Variants in ROBO1 observed in about 807,000 individuals in gnomAD.
ROBO1 encodes roundabout guidance receptor 1, also known as roundabout homolog 1.
Under a neutral mutation model 195.9 loss-of-function variants are expected in ROBO1, and 149 were observed. The ratio of observed to expected loss-of-function variants is 0.76; its 90% confidence interval spans 0.67 to 0.87. The LOEUF is 0.87. ROBO1 is among the 40% of genes least tolerant of loss of function. The pLI is 0.00. For synonymous variants in ROBO1, 816 were observed against 733.2 expected (o/e 1.11, Z -1.82); for missense variants, 1,933 against 2,068.3 (o/e 0.93, Z 1.27).
intron 3 of ROBO1, among the ~76,000 whole-genome samples, chr3:79,088,945 A>T (rs2108483621): frequency 6.6e-6 from 1 of 152,234 alleles, no homozygotes; most frequent in Non-Finnish European, 1.5e-5. Flanking sequence ...AACTAGAGTA[A>T]AATAATTAAA....
chr3:79,448,772 C>CA (rs2039350454), intron 2 of ROBO1, among the ~76,000 whole-genome samples: 1 of 152,076 alleles, frequency 6.6e-6, no homozygotes, highest in Non-Finnish European at 1.5e-5. Flanking sequence ...GAACAGATTC[C>CA]ATAAGTATCA....
At chr3:79,152,150 A>G (rs143142547) in intron 2 of ROBO1, among the ~76,000 whole-genome samples, 2,533 of 152,008 alleles carry the variant, frequency 0.017, 28 homozygotes, top group Non-Finnish European at 0.026. Context: ...CAGATGTTCA[A>G]TAAATGTGTT....
chr3:79,396,842 AGGTTGATTTT>A (rs2037173667), intron 2 of ROBO1, among the ~76,000 whole-genome samples: 1 of 152,158 alleles, frequency 6.6e-6, no homozygotes, highest in South Asian at 2.1e-4. Flanking sequence ...GATGATTGAC[AGGTTGATTTT>A]GGCTTTCTAA....
chr3:79,023,273 C>A (rs1458454030), intron 3 of ROBO1, among the ~76,000 whole-genome samples: 1 of 152,108 alleles, frequency 6.6e-6, no homozygotes, highest in African/African-American at 2.4e-5. Flanking sequence ...CTGCGTGATC[C>A]TTGGTATTTA....
At chr3:78,693,602 G>A (rs1231801699) in intron 8 of ROBO1, among the ~76,000 whole-genome samples, 2 of 152,092 alleles carry the variant, frequency 1.3e-5, no homozygotes, top group Non-Finnish European at 1.5e-5. Context: ...AAATGGCAGA[G>A]CTACAATGAA....
chr3:79,250,909 G>A (rs2082716765), intron 2 of ROBO1, among the ~76,000 whole-genome samples: 1 of 152,066 alleles, frequency 6.6e-6, no homozygotes, highest in Non-Finnish European at 1.5e-5. Context: ...ACAAAAATTA[G>A]TCAGCTGTGG....
intron 1 of ROBO1, among the ~76,000 whole-genome samples, chr3:79,722,076 TATTGTTTTTC>T (rs1352129297): frequency 6.6e-6 from 1 of 152,226 alleles, no homozygotes; most frequent in Non-Finnish European, 1.5e-5. Flanking sequence ...AAGATGTTTT[TATTGTTTTTC>T]ATTGGGAAAA....
At chr3:78,794,239 T>G (rs186651448) in intron 4 of ROBO1, among the ~76,000 whole-genome samples, 84 of 152,244 alleles carry the variant, frequency 5.5e-4, no homozygotes, top group Non-Finnish European at 9.9e-4. Context: ...TATCTCAATA[T>G]CCCTATCAAT....
At chr3:79,757,935 T>C (rs1364213483) in intron 1 of ROBO1, among the ~76,000 whole-genome samples, 1 of 152,216 alleles carries the variant, frequency 6.6e-6, no homozygotes, top group African/African-American at 2.4e-5. Context: ...GCTTTAACTC[T>C]TCTTTTAGTT....
chr3:79,505,933 G>A (rs2107522128), intron 2 of ROBO1, among the ~76,000 whole-genome samples: 1 of 152,286 alleles, frequency 6.6e-6, no homozygotes, highest in South Asian at 2.1e-4. Flanking sequence ...CACAGTGTAT[G>A]TAGATGCACA....
chr3:79,613,452 T>C (rs1039909493), intron 1 of ROBO1, among the ~76,000 whole-genome samples: 3 of 151,958 alleles, frequency 2.0e-5, no homozygotes, highest in Middle Eastern at 3.2e-3. Context: ...TAGAAATTAT[T>C]AAAAATACTC....
chr3:79,246,865 T>C (rs147791004), intron 2 of ROBO1, among the ~76,000 whole-genome samples: 1 of 152,062 alleles, frequency 6.6e-6, no homozygotes, highest in African/African-American at 2.4e-5. Flanking sequence ...AAGCTAAATA[T>C]AAATATTTAT....
chr3:78,853,475 G>GTGTATT (rs2034207854), intron 4 of ROBO1, among the ~76,000 whole-genome samples: 2 of 118,036 alleles, frequency 1.7e-5, no homozygotes, highest in African/African-American at 6.0e-5. Flanking sequence ...GTGTGTGTGT[G>GTGTATT]TATGTATGTA....
At chr3:79,159,688 C>T (rs2080921423) in intron 2 of ROBO1, among the ~76,000 whole-genome samples, 1 of 151,972 alleles carries the variant, frequency 6.6e-6, no homozygotes, top group African/African-American at 2.4e-5. Flanking sequence ...TTCAAGTGAC[C>T]TGAACAAATT....
At chr3:79,650,485 C>A (rs1356930407) in intron 1 of ROBO1, among the ~76,000 whole-genome samples, 1 of 151,212 alleles carries the variant, frequency 6.6e-6, no homozygotes, top group Non-Finnish European at 1.5e-5. Flanking sequence ...TTCAATATAT[C>A]AAAATTTTGA....
intron 3 of ROBO1, among the ~76,000 whole-genome samples, chr3:79,038,473 C>T (rs1198944583): frequency 1.3e-5 from 2 of 152,174 alleles, no homozygotes; most frequent in Non-Finnish European, 2.9e-5. Context: ...GGAAGAGTAG[C>T]TGCTGAAAGC....
At chr3:79,091,639 G>GA (rs1238593097) in intron 3 of ROBO1, among the ~76,000 whole-genome samples, 1 of 152,088 alleles carries the variant, frequency 6.6e-6, no homozygotes, top group Non-Finnish European at 1.5e-5. Flanking sequence ...AAGGACTATG[G>GA]AAAAAACAAA....
intron 4 of ROBO1, among the ~76,000 whole-genome samples, chr3:78,895,061 G>C (rs1437831988): frequency 1.3e-5 from 2 of 152,202 alleles, no homozygotes; most frequent in Non-Finnish European, 2.9e-5. Context: ...ATTTATTACA[G>C]AGCCCAACAT....
chr3:79,564,493 G>A (rs866737535), intron 2 of ROBO1, among the ~76,000 whole-genome samples: 1 of 152,196 alleles, frequency 6.6e-6, no homozygotes, highest in Middle Eastern at 3.4e-3. Flanking sequence ...TCAAAAGAAA[G>A]TATGTAATGG....
Sources: gnomAD v4.1 joint callset for allele counts (sites outside exome capture counted in the v4.1 genomes callset) on GRCh38, gnomAD v4.1.1 for gene constraint, MANE v1.5 for transcripts, NCBI Gene and HGNC (gene_info 2026-07-23, HGNC 2026-07-21) for gene names.